Variants in CENPE observed in about 807,000 individuals in gnomAD.
CENPE encodes centromere protein E.
In CENPE, 145 loss-of-function variants were observed where a neutral mutation model predicts 336.1. The ratio of observed to expected loss-of-function variants is 0.43; its 90% CI spans 0.38 to 0.50. The LOEUF (loss-of-function observed/expected upper bound fraction) is 0.50, where lower values mean the gene tolerates loss of function less well. CENPE is among the 20% of genes least tolerant of loss of function. The probability of loss-of-function intolerance (pLI) is 0.00; values close to 1 mark genes in which losing one functional copy is unlikely to be tolerated. For missense variants in CENPE, 2,719 were observed against 3,023.3 expected (o/e 0.90, Z 2.36); for synonymous variants, 1,013 against 984.8 (o/e 1.03, Z -0.54).
Position 103,196,818 on chromosome 4 carries a change from T to C in CENPE, c.89A>G (p.Tyr30Cys), listed in dbSNP as rs1578708049. 3 of 1,597,650 alleles carry C rather than the reference T, an allele frequency of 1.9e-6. No individual in the cohort carries two copies. In the African/African-American group the frequency reaches 4.0e-5, roughly 21 times the overall value. The change falls in exon 2 of 49, where the codon TAC becomes TGC. Residue 30 changes from tyrosine to cysteine, a missense_variant. Around this residue, in one of 5 missense-constraint regions of CENPE, gnomAD observed 48 missense variants for 50.8 expected, o/e 0.94. Transcript: ENST00000265148. ...EESLGETAQV[Y>C]WKTDNNVIYQ... ...AATGACATTATTGTCAGTTTTCCAG[T>C]AAACTTGGGCAGTTTCTCCAAGTGA...
At position 103,143,326 on chromosome 4, in the gene CENPE, C is replaced by A; in HGVS notation, c.5226G>T (p.Gly1742=). The stretch of plus-strand genomic sequence containing the variant: ...TTTCATTTGTTTTCTCTGAAACAAT[C>A]CCTCTTAGTTTATCAATAGTTTCTT... ...EHQETIDKLR[G]IVSEKTNEIS... is the part of the protein sequence containing the mutation. The change falls in exon 34 of 49, where the codon GGG becomes GGT. Residue 1742 remains glycine, a synonymous_variant. Coordinates refer to ENST00000265148, the MANE Select transcript of CENPE (RefSeq NM_001813.3). 6.2e-7 allele frequency: 1 copy of A among 1,603,424 alleles called. No homozygotes were observed. The highest frequency in any genetic ancestry group is 1.1e-5 in the South Asian group (1 of 90,608).
intron 12 of CENPE, among the ~76,000 whole-genome samples, chr4:103,180,802 A>G (rs1480788684): frequency 1.3e-5 from 2 of 152,196 alleles, no homozygotes; most frequent in Non-Finnish European, 1.5e-5. Flanking sequence ...TCTGATAGTA[A>G]AGATAGAGAT....
At chr4:103,189,921 G>A (rs1463912334) in intron 8 of CENPE, among the ~76,000 whole-genome samples, 1 of 152,126 alleles carries the variant, frequency 6.6e-6, no homozygotes, top group African/African-American at 2.4e-5. Context: ...ATCTCCTTAG[G>A]CTGATAAGCA....
chr4:103,152,152 C>T (rs1375673266), intron 25 of CENPE, among the ~76,000 whole-genome samples: 1 of 150,646 alleles, frequency 6.6e-6, no homozygotes, highest in Non-Finnish European at 1.5e-5. Context: ...AAAAGAGAAA[C>T]ATTTAGGAAC....
At chr4:103,123,812 C>T (rs979032070) in intron 42 of CENPE, among the ~76,000 whole-genome samples, 1 of 152,066 alleles carries the variant, frequency 6.6e-6, no homozygotes, top group African/African-American at 2.4e-5. Context: ...AAAGTGACAC[C>T]AAGCCCTTTA....
In CENPE at chr4:103,195,106, C is replaced by A; in HGVS notation, c.477+8G>T. 1 of 1,572,878 alleles carries A rather than the reference C, an allele frequency of 6.4e-7. No homozygotes were observed. The highest frequency in any genetic ancestry group is 2.1e-5 in the Admixed American group (1 of 47,732). On this transcript the variant is annotated splice_region_variant and intron_variant, in intron 5 of 48. Transcript: ENST00000265148. ...CAATTTTAAAGCTCCCTTAAGTCTGCTACTCACATTGACATCTTCTCGAAT... is the reference window on the plus strand; with the variant it reads ...CAATTTTAAAGCTCCCTTAAGTCTGATACTCACATTGACATCTTCTCGAAT...
At chr4:103,112,199 T>C (rs1284989411) in intron 46 of CENPE, among the ~76,000 whole-genome samples, 1 of 149,244 alleles carries the variant, frequency 6.7e-6, no homozygotes, top group Non-Finnish European at 1.5e-5. Flanking sequence ...CTGTAACATA[T>C]AATATACAGA....
chr4:103,174,919 A>G lies in CENPE; in HGVS notation c.1480-16T>C. On this transcript the variant is annotated splice_polypyrimidine_tract_variant and intron_variant, in intron 15 of 48. Coordinates refer to ENST00000265148, the MANE Select transcript of CENPE (RefSeq NM_001813.3). ...CTATATTCTCCTATTATAAACAAGA[A>G]CAGATTTTCCAATCAGAAAATTCAA... is the stretch of plus-strand genomic sequence containing the variant. The G allele has an allele frequency of 7.2e-7, 1 of 1,393,320 alleles. No individual in the cohort carries two copies. The highest frequency in any genetic ancestry group is 1.6e-5 in the South Asian group (1 of 62,500). The allele number at this position is 1,393,320 out of a possible 1,614,324, so 86.3% of individuals were successfully genotyped here.
chr4:103,136,399 T>A, intron 39 of CENPE, 40 bp from the exon 40 acceptor site: 5 of 1,376,046 alleles, frequency 3.6e-6, no homozygotes, highest in Non-Finnish European at 5.1e-6. Flanking sequence ...TAACAATTCA[T>A]TCTAATATCA....
At position 103,161,254 on chromosome 4, in the gene CENPE, A is replaced by G. The variant is rs1217859474; in HGVS notation, c.1966-3T>C. 2 of 1,606,400 alleles carry G rather than the reference A, an allele frequency of 1.2e-6. No individual in the cohort carries two copies. Among genetic ancestry groups the G allele is most frequent in the Admixed American group, 1.7e-5 (1 of 58,816 alleles). ...TTGTATGTAGTTGCAAGTTCTTTCT[A>G]TTGAGAAAAACATTGCAAATGCACA... On this transcript the variant is annotated splice_polypyrimidine_tract_variant and splice_region_variant and intron_variant, in intron 19 of 48. Coordinates refer to ENST00000265148, the MANE Select transcript of CENPE (RefSeq NM_001813.3).
chr4:103,185,864 G>GT lies in CENPE; in HGVS notation c.694-4dup, dbSNP rs763112351. ...CTGCCTGCAAGATCAACCAAATTCTGTAAGATAGATAAAAATAAATCCTTA... is the reference window on the plus strand; with the variant it reads ...CTGCCTGCAAGATCAACCAAATTCTGTTAAGATAGATAAAAATAAATCCTTA... On this transcript the variant is annotated splice_polypyrimidine_tract_variant and splice_region_variant and intron_variant, in intron 8 of 48. Coordinates refer to ENST00000265148, the MANE Select transcript of CENPE (RefSeq NM_001813.3). 2 of 1,600,412 alleles carry GT rather than the reference G, an allele frequency of 1.2e-6. No homozygotes were observed. Among genetic ancestry groups the GT allele is most frequent in the African/African-American group, 2.7e-5 (2 of 74,452 alleles).
chr4:103,124,514 A>G (rs1259297656), intron 42 of CENPE, among the ~76,000 whole-genome samples: 2 of 152,246 alleles, frequency 1.3e-5, no homozygotes, highest in African/African-American at 4.8e-5. Context: ...CTAATAGCAG[A>G]GCACAGCTAG....
In CENPE at chr4:103,166,215, C is replaced by T. The variant is rs190249301; in HGVS notation, c.1648-2662G>A. Among the ~76,000 whole-genome samples the T allele has an allele frequency of 2.6e-5, 4 of 152,260 alleles. No homozygotes were observed. In the East Asian group the frequency reaches 5.8e-4, roughly 22 times the overall value. On this transcript the variant is annotated intron_variant, in intron 16 of 48. Coordinates refer to ENST00000265148, the MANE Select transcript of CENPE (RefSeq NM_001813.3). ...GACCTTGGTGAGCATCTGGTCTCTACTTCAAGGGTGGAGAAATACAGGAAG... is the reference window on the plus strand; with the variant it reads ...GACCTTGGTGAGCATCTGGTCTCTATTTCAAGGGTGGAGAAATACAGGAAG...
At chr4:103,116,496 A>G in intron 45 of CENPE, 81 bp downstream of exon 45, 1 of 588,080 alleles carries the variant, frequency 1.7e-6, no homozygotes, top group Admixed American at 3.7e-5. Context: ...TATTTTAAAA[A>G]GTTAACTAAT....
At chr4:103,117,622 CTTTTTTTTTTTT>C (rs771337112) in intron 44 of CENPE, among the ~76,000 whole-genome samples, 4 of 115,064 alleles carry the variant, frequency 3.5e-5, no homozygotes, top group African/African-American at 1.1e-4. Context: ...ATTTTCTTTC[CTTTTTTTTTTTT>C]TTTTTTTTTT....
rs1288873818 is a variant in CENPE, at chr4:103,159,013, G to A, written c.2598C>T (p.Thr866=). 1.9e-5 allele frequency: 29 copies of A among 1,530,934 alleles called. No individual in the cohort carries two copies. Among genetic ancestry groups the A allele is most frequent in the Admixed American group, 6.8e-5 (3 of 44,322 alleles). 94.8% of individuals were successfully genotyped at this position (1,530,934 alleles called of 1,614,324 possible). Residue 866 remains threonine (T), a synonymous_variant, in exon 22 of 49, where the codon ACC becomes ACT. Transcript: ENST00000265148. ...CAAAATAGCATCTTGTACCAACCTC[G>A]GTCTTCAAAGCACCCAAACTCGAAT... The part of the protein sequence containing the change: ...KFDSSLGALK[T]ELSYKTQELQ...
rs527917775 is a variant in CENPE at position 103,132,914 on chromosome 4, G to A, written c.6721-18C>T. 52 of 1,147,146 alleles carry A rather than the reference G, an allele frequency of 4.5e-5. No homozygotes were observed. Among genetic ancestry groups the A allele is most frequent in the South Asian group, 3.1e-4 (14 of 45,636 alleles). The allele number at this position is 1,147,146 out of a possible 1,614,324, so 71.1% of individuals were successfully genotyped here. On this transcript the variant is annotated intron_variant, in intron 41 of 48. Transcript: ENST00000265148. ...AGAATTTCCTGTGTGAAAAATAAGC[G>A]TCAAATTGTTTAAACATTAGGAAAG...
chr4:103,114,188 G>T (rs766817406), intron 46 of CENPE, among the ~76,000 whole-genome samples: 3 of 152,062 alleles, frequency 2.0e-5, no homozygotes, highest in African/African-American at 7.2e-5. Context: ...TTGCCTGAAG[G>T]TATCTTCACT....
At chr4:103,181,527 G>C in intron 11 of CENPE, 71 bp from the exon 12 acceptor site, 1 of 1,287,398 alleles carries the variant, frequency 7.8e-7, no homozygotes, top group South Asian at 1.5e-5. Context: ...ATAATATTTA[G>C]CTTTCTTATA....
Sources: allele counts gnomAD v4.1 joint callset (sites outside exome capture counted in the v4.1 genomes callset), GRCh38; gene constraint gnomAD v4.1.1; regional missense constraint gnomAD v4.1.1; transcripts MANE v1.5; gene names NCBI Gene and HGNC (gene_info 2026-07-23, HGNC 2026-07-21).